Variants in TASP1 observed in about 807,000 individuals in gnomAD.
TASP1 encodes the protein taspase 1, also known as threonine aspartase 1.
A neutral mutation model predicts 56.6 loss-of-function variants in TASP1; 16 were observed. The ratio of observed to expected loss-of-function variants is 0.28; its 90% CI spans 0.19 to 0.43. TASP1 has a LOEUF of 0.43. Ranked by LOEUF, TASP1 falls within the 20% of genes least tolerant of loss-of-function variation. The pLI is 1.00. For synonymous variants in TASP1, 179 were observed against 184.2 expected (o/e 0.97, Z 0.23); for missense variants, 393 against 511.6 (o/e 0.77, Z 2.24).
At chr20:13,385,592 T>C (rs1752968959), downstream of TASP1, among the ~76,000 whole-genome samples, 1 of 152,162 alleles carries the variant, frequency 6.6e-6, no homozygotes, top group African/African-American at 2.4e-5. Context: ...TGGAATGTGT[T>C]TCAGTGTGAA....
intron 11 of TASP1, among the ~76,000 whole-genome samples, chr20:13,443,015 T>TCCTCACA (rs2043278138): frequency 6.6e-6 from 1 of 152,230 alleles, no homozygotes; most frequent in Admixed American, 6.5e-5. Flanking sequence ...TGAAGGCTGT[T>TCCTCACA]GTGAGGACTG....
At chr20:13,163,367 CAAAAAAA>C in the TASP1 span, among the ~76,000 whole-genome samples, 210 of 90,076 alleles carry the variant, frequency 2.3e-3, no homozygotes, top group African/African-American at 7.7e-3. Context: ...GACGCTGTCT[CAAAAAAA>C]AAAAAAAAAA....
chr20:13,560,795 T>C (rs955919179), intron 7 of TASP1, among the ~76,000 whole-genome samples: 6 of 152,082 alleles, frequency 3.9e-5, no homozygotes, highest in Non-Finnish European at 7.3e-5. Flanking sequence ...AGATGGTTAC[T>C]TGAAGAAATA....
At chr20:13,438,134 T>C (rs73610478) in intron 11 of TASP1, among the ~76,000 whole-genome samples, 23 of 147,904 alleles carry the variant, frequency 1.6e-4, no homozygotes, top group East Asian at 6.0e-4. Context: ...TGACTTTCTT[T>C]ACAGAATTGG....
intron 10 of TASP1, among the ~76,000 whole-genome samples, chr20:13,504,986 T>C (rs933329483): frequency 2.0e-5 from 3 of 151,702 alleles, no homozygotes. Context: ...AATTCTACAA[T>C]AAAAAGGCAA....
At chr20:13,424,937 G>A (rs2042569522) in intron 12 of TASP1, among the ~76,000 whole-genome samples, 3 of 152,128 alleles carry the variant, frequency 2.0e-5, no homozygotes, top group Admixed American at 1.3e-4. Context: ...TCATACAAAT[G>A]CAATGTGAGA....
the TASP1 span, among the ~76,000 whole-genome samples, chr20:13,222,620 C>T: frequency 1.8e-3 from 270 of 152,262 alleles, 1 homozygote; most frequent in African/African-American, 6.2e-3. Flanking sequence ...CAAGGATCTT[C>T]CCCGTTGAAG....
At chr20:13,543,558 G>A (rs1213774801) in intron 8 of TASP1, among the ~76,000 whole-genome samples, 3 of 152,084 alleles carry the variant, frequency 2.0e-5, no homozygotes, top group Non-Finnish European at 2.9e-5. Context: ...CCGAGATTGC[G>A]CCACTGCACT....
At chr20:13,274,447 C>A in the TASP1 span, among the ~76,000 whole-genome samples, 1 of 152,282 alleles carries the variant, frequency 6.6e-6, no homozygotes. Context: ...CTCATCTGCC[C>A]CTTCCCCTGG....
chr20:13,478,346 T>TACACACAC (rs35289716), intron 11 of TASP1, among the ~76,000 whole-genome samples: 73 of 140,290 alleles, frequency 5.2e-4, no homozygotes, highest in African/African-American at 1.8e-3. Context: ...GAAAATATGA[T>TACACACAC]ACACACACAC....
the TASP1 span, among the ~76,000 whole-genome samples, chr20:13,199,361 C>T: frequency 6.6e-6 from 1 of 151,994 alleles, no homozygotes; most frequent in Admixed American, 6.6e-5. Flanking sequence ...TCCTCCCTTC[C>T]TTTCTCCCTC....
chr20:13,160,089 G>A, the TASP1 span: 5 of 1,613,666 alleles, frequency 3.1e-6, no homozygotes, highest in African/African-American at 1.3e-5. Context: ...GCTCGGGCTC[G>A]GTTTTGTGTT....
Position 13,406,851 on chromosome 20 carries a change from A to G in TASP1, c.1170+10597T>C, listed in dbSNP as rs188798514. Among the ~76,000 whole-genome samples, 757 of 151,990 alleles carry G rather than the reference A, an allele frequency of 5.0e-3. 4 individuals carry two copies. The highest frequency in any genetic ancestry group is 0.015 in the African/African-American group (615 of 41,484). ...CTGGCTAATTTTTTGTATTTTTAGT[A>G]GAGACAGGGTTTCACTATGTTAGCC... On this transcript the variant is annotated intron_variant, in intron 13 of 13. Coordinates refer to ENST00000337743, the MANE Select transcript of TASP1 (RefSeq NM_017714.3).
At chr20:13,545,534 C>T (rs1468246927) in intron 8 of TASP1, among the ~76,000 whole-genome samples, 1 of 152,184 alleles carries the variant, frequency 6.6e-6, no homozygotes, top group Non-Finnish European at 1.5e-5. Flanking sequence ...TTTTACTTTG[C>T]TAAATTCTGC....
intron 10 of TASP1, among the ~76,000 whole-genome samples, chr20:13,510,847 T>G (rs1301780200): frequency 1.3e-5 from 2 of 152,122 alleles, no homozygotes; most frequent in Non-Finnish European, 2.9e-5. Flanking sequence ...TCATCCTTAT[T>G]ATTATCTCTT....
At chr20:13,133,370 C>A in the TASP1 span, among the ~76,000 whole-genome samples, 5 of 151,598 alleles carry the variant, frequency 3.3e-5, no homozygotes, top group South Asian at 1.0e-3. Flanking sequence ...GCATAATGAC[C>A]CTGTAGTCAC....
intron 8 of TASP1, among the ~76,000 whole-genome samples, chr20:13,557,943 C>G (rs147676177): frequency 6.6e-6 from 1 of 152,022 alleles, no homozygotes; most frequent in East Asian, 1.9e-4. Context: ...ATGCAGAAAC[C>G]CAAGAAATAG....
chr20:13,259,333 T>C, the TASP1 span, among the ~76,000 whole-genome samples: 1,537 of 151,950 alleles, frequency 0.01, 27 homozygotes, highest in African/African-American at 0.035. Context: ...CTTCCTTACA[T>C]TGAAAACTTC....
the TASP1 span, among the ~76,000 whole-genome samples, chr20:13,362,821 A>ATTTG: frequency 7.1e-5 from 5 of 70,290 alleles, no homozygotes; most frequent in African/African-American, 5.3e-4. Context: ...ATATATATAT[A>ATTTG]TATATATATA....
Sources: allele counts gnomAD v4.1 joint callset (sites outside exome capture counted in the v4.1 genomes callset), GRCh38; gene constraint gnomAD v4.1.1; transcripts MANE v1.5; gene names NCBI Gene and HGNC (gene_info 2026-07-23, HGNC 2026-07-21).